CDH13: variants seen among roughly 807,000 people sequenced by gnomAD.
The protein encoded by CDH13 is cadherin-13.
CDH13 carries 24 observed loss-of-function variants against 63.8 expected under a neutral mutation model. The observed-to-expected ratio is 0.38, with a 90% CI of 0.27 to 0.53. CDH13 has a LOEUF of 0.53. CDH13 is among the 20% of genes least tolerant of loss of function. The probability of loss-of-function intolerance (pLI) is 0.85; values close to 1 mark genes in which losing one functional copy is unlikely to be tolerated. For missense variants in CDH13, 1,049 were observed against 903.1 expected (o/e 1.16, Z -2.07); for synonymous variants, 503 against 355.3 (o/e 1.42, Z -4.67).
At chr16:83,426,894 AAT>A (rs570898490) in intron 6 of CDH13, among the ~76,000 whole-genome samples, 185 of 139,734 alleles carry the variant, frequency 1.3e-3, no homozygotes, top group African/African-American at 4.9e-3. Flanking sequence ...AGAATCTATA[AAT>A]ATGTTTCTTT....
At chr16:83,512,316 G>A (rs892125690) in intron 7 of CDH13, among the ~76,000 whole-genome samples, 5 of 129,214 alleles carry the variant, frequency 3.9e-5, no homozygotes, top group Non-Finnish European at 5.0e-5. Flanking sequence ...GTGAAACTCC[G>A]TCTCAAAATA....
At chr16:83,452,744 T>C (rs568926686) in intron 6 of CDH13, among the ~76,000 whole-genome samples, 1 of 152,328 alleles carries the variant, frequency 6.6e-6, no homozygotes, top group Non-Finnish European at 1.5e-5. Context: ...ACAAGAGAAG[T>C]ACCTCGGTGA....
chr16:83,402,870 C>T (rs529952363), intron 6 of CDH13, among the ~76,000 whole-genome samples: 6 of 152,238 alleles, frequency 3.9e-5, no homozygotes, highest in African/African-American at 1.2e-4. Flanking sequence ...AACTTAGATA[C>T]GTCCCCTTCT....
intron 1 of CDH13, among the ~76,000 whole-genome samples, chr16:82,783,731 C>G (rs905338908): frequency 1.3e-5 from 2 of 152,126 alleles, no homozygotes; most frequent in African/African-American, 4.8e-5. Context: ...CCTTCCGAGG[C>G]AAGGGCTTCT....
intron 3 of CDH13, among the ~76,000 whole-genome samples, chr16:83,120,162 G>C (rs143254801): frequency 1.3e-5 from 2 of 151,856 alleles, no homozygotes; most frequent in African/African-American, 4.8e-5. Context: ...TGTTTTTCCC[G>C]AATCAGAGCT....
At chr16:82,677,699 G>T (rs1033070479) in intron 1 of CDH13, among the ~76,000 whole-genome samples, 2 of 152,064 alleles carry the variant, frequency 1.3e-5, no homozygotes, top group Admixed American at 6.5e-5. Context: ...GTGTACAATA[G>T]CACTGACAGA....
chr16:83,716,773 C>T (rs1451163405), intron 10 of CDH13, among the ~76,000 whole-genome samples: 1 of 152,220 alleles, frequency 6.6e-6, no homozygotes, highest in Admixed American at 6.5e-5. Context: ...TGAGCCACCG[C>T]ACCCGCCCTG....
chr16:82,876,215 C>A lies in CDH13; in HGVS notation c.157+17742C>A, dbSNP rs180766149. Among the ~76,000 whole-genome samples the A allele has an allele frequency of 2.4e-3, 371 of 152,252 alleles. 6 individuals carry two copies. The South Asian group carries it at 0.029, about 12-fold the overall frequency. On this transcript the variant is annotated intron_variant, in intron 2 of 13. Transcript: ENST00000567109. Reference sequence around the variant, plus strand: ...CTAAACCATATCATGTCCTACAGGACAAAAAACTGTAACCTCTGTGGTTAT... The same window carrying A: ...CTAAACCATATCATGTCCTACAGGAAAAAAAACTGTAACCTCTGTGGTTAT...
chr16:82,908,879 C>A (rs1254248457), intron 2 of CDH13, among the ~76,000 whole-genome samples: 1 of 152,122 alleles, frequency 6.6e-6, no homozygotes, highest in Non-Finnish European at 1.5e-5. Flanking sequence ...CATGTTTTTA[C>A]CAAATGGCAA....
At chr16:83,475,175 G>A (rs2073569361) in intron 6 of CDH13, among the ~76,000 whole-genome samples, 1 of 152,248 alleles carries the variant, frequency 6.6e-6, no homozygotes, top group African/African-American at 2.4e-5. Flanking sequence ...CCAGCACAGG[G>A]ACTGTCTGAG....
intron 5 of CDH13, among the ~76,000 whole-genome samples, chr16:83,242,036 G>C (rs4782523): frequency 0.7 from 106,062 of 152,094 alleles, 39,075 homozygotes; most frequent in South Asian, 0.82. Flanking sequence ...AAGGGTCTAA[G>C]TTCAGTTTTG....
intron 9 of CDH13, 24 bp from the exon 10 acceptor site, chr16:83,678,184 G>C: frequency 6.3e-7 from 1 of 1,596,488 alleles, no homozygotes; most frequent in South Asian, 1.1e-5. Context: ...TGTGCATCCT[G>C]AGACCCTTCT....
chr16:82,799,386 T>A (rs2036743117), intron 1 of CDH13, among the ~76,000 whole-genome samples: 1 of 152,106 alleles, frequency 6.6e-6, no homozygotes, highest in Admixed American at 6.6e-5. Flanking sequence ...CAAATTAGAG[T>A]CTAGAGTAAT....
chr16:83,077,382 A>G lies in CDH13; in HGVS notation c.366+45164A>G, dbSNP rs9924490. 1.6e-3 allele frequency among the ~76,000 whole-genome samples: 244 copies of G among 150,996 alleles called. 2 individuals carry two copies. Among genetic ancestry groups the G allele is most frequent in the African/African-American group, 5.5e-3 (227 of 41,192 alleles). On this transcript the variant is annotated intron_variant, in intron 3 of 13. Transcript: ENST00000567109. ...AATTTATTGTATTTTTACTAGATCT[A>G]TGGTTTTGCCATGTTGGCCAGGCTG...
At chr16:83,609,891 C>G (rs1181689915) in intron 8 of CDH13, among the ~76,000 whole-genome samples, 1 of 152,054 alleles carries the variant, frequency 6.6e-6, no homozygotes, top group Non-Finnish European at 1.5e-5. Flanking sequence ...CCCATTCCCC[C>G]ACGCTGGCCA....
At chr16:82,842,722 C>A (rs2039085256) in intron 1 of CDH13, among the ~76,000 whole-genome samples, 2 of 89,282 alleles carry the variant, frequency 2.2e-5, no homozygotes, top group South Asian at 3.4e-4. Context: ...ATTATTATTA[C>A]CTTATATAAT....
chr16:83,777,411 G>C (rs1915197170), intron 11 of CDH13, among the ~76,000 whole-genome samples: 1 of 152,208 alleles, frequency 6.6e-6, no homozygotes, highest in African/African-American at 2.4e-5. Flanking sequence ...ATGACCTGCA[G>C]CTGCGCTGAG....
intron 1 of CDH13, among the ~76,000 whole-genome samples, chr16:82,744,982 A>C (rs1414580385): frequency 1.3e-5 from 2 of 152,222 alleles, no homozygotes; most frequent in African/African-American, 2.4e-5. Flanking sequence ...TGACAGAGTC[A>C]ATTCTTTTCC....
chr16:83,322,024 A>G (rs1252773641), intron 5 of CDH13, among the ~76,000 whole-genome samples: 1 of 152,208 alleles, frequency 6.6e-6, no homozygotes, highest in Non-Finnish European at 1.5e-5. Flanking sequence ...GCCACTGGAG[A>G]CAGCAGGGAC....
Sources: gnomAD v4.1 joint callset for allele counts (sites outside exome capture counted in the v4.1 genomes callset) on GRCh38, gnomAD v4.1.1 for gene constraint, MANE v1.5 for transcripts, NCBI Gene and HGNC (gene_info 2026-07-23, HGNC 2026-07-21) for gene names.